Variants in PELI1 observed in about 807,000 individuals in gnomAD.
PELI1 encodes the protein pellino E3 ubiquitin protein ligase 1.
A neutral mutation model predicts 41.3 loss-of-function variants in PELI1; 15 were observed. The ratio of observed to expected loss-of-function variants is 0.36; its 90% CI spans 0.24 to 0.56. The LOEUF (loss-of-function observed/expected upper bound fraction) is 0.56, where lower values mean the gene tolerates loss of function less well. PELI1 is among the 20% of genes least tolerant of loss of function. PELI1 has a pLI of 0.82. For synonymous variants in PELI1, 178 were observed against 180.1 expected, an observed-to-expected ratio of 0.99 and a Z score of 0.09; for missense variants, 403 against 525.5, an observed-to-expected ratio of 0.77 and a Z score of 2.28.
intron 1 of PELI1, among the ~76,000 whole-genome samples, chr2:64,122,143 G>GT (rs1681240325): frequency 6.6e-6 from 1 of 151,758 alleles, no homozygotes; most frequent in African/African-American, 2.4e-5. Flanking sequence ...AAAACCTGAA[G>GT]TAGTGTTCTT....
chr2:64,111,820 C>T (rs1335253683), intron 1 of PELI1, among the ~76,000 whole-genome samples: 1 of 152,118 alleles, frequency 6.6e-6, no homozygotes, highest in Non-Finnish European at 1.5e-5. Context: ...CATTTCCCCT[C>T]TAAGAAGCAT....
intron 1 of PELI1, among the ~76,000 whole-genome samples, chr2:64,127,851 G>A (rs549952202): frequency 1.3e-5 from 2 of 152,146 alleles, no homozygotes; most frequent in South Asian, 2.1e-4. Flanking sequence ...CCACTAGACA[G>A]GACTATCTTT....
intron 4 of PELI1, among the ~76,000 whole-genome samples, chr2:64,097,429 G>A (rs529130132): frequency 6.6e-6 from 1 of 152,320 alleles, no homozygotes; most frequent in Non-Finnish European, 1.5e-5. Flanking sequence ...ACTCTTCCTG[G>A]TTCTTAGGGA....
intron 1 of PELI1, 136 bp downstream of exon 1, chr2:64,143,945 G>A (rs887633504): frequency 7.5e-6 from 1 of 133,912 alleles, no homozygotes; most frequent in African/African-American, 2.8e-5. Flanking sequence ...CGCCGCAGCG[G>A]GGGCGCGCAG....
At chr2:64,108,594 C>G (rs1191611401) in intron 1 of PELI1, among the ~76,000 whole-genome samples, 1 of 152,138 alleles carries the variant, frequency 6.6e-6, no homozygotes, top group African/African-American at 2.4e-5. Flanking sequence ...CTTACAGAAG[C>G]ATAGAGCAGA....
rs1017072616 is a variant in PELI1 at position 64,095,171 on chromosome 2, G to A, written c.788C>T (p.Pro263Leu). The A allele has an allele frequency of 3.7e-6, 6 of 1,614,022 alleles. No individual in the cohort carries two copies. The highest frequency in any genetic ancestry group is 1.3e-5 in the African/African-American group (1 of 74,914). Residue 263 changes from proline to leucine, a missense_variant, in exon 7 of 7, where the codon CCT becomes CTT. Pro to Leu is a moderately conservative substitution (Grantham distance 98, BLOSUM62 -3). Coordinates refer to ENST00000358912, the MANE Select transcript of PELI1 (RefSeq NM_020651.4). Reference sequence around the variant, plus strand: ...TAAAGCTTCTAAATGCTTCACGGTAGGAGTGTGGGAAAGGCCTTCTGCAGT... The same window carrying A: ...TAAAGCTTCTAAATGCTTCACGGTAAGAGTGTGGGAAAGGCCTTCTGCAGT... ...WRTAEGLSHT[P>L]TVKHLEALRQ...
At chr2:64,099,443 A>T (rs1159265186) in intron 4 of PELI1, among the ~76,000 whole-genome samples, 1 of 152,198 alleles carries the variant, frequency 6.6e-6, no homozygotes, top group Non-Finnish European at 1.5e-5. Flanking sequence ...ATCTTCCTTA[A>T]AGATCTTATT....
Position 64,103,091 on chromosome 2 carries a change from C to A in PELI1, c.201+1610G>T, listed in dbSNP as rs540561762. Among the ~76,000 whole-genome samples the A allele has an allele frequency of 3.3e-5, 5 of 152,238 alleles. No homozygotes were observed. The South Asian group carries it at 1.0e-3, about 32-fold the overall frequency. On this transcript the variant is annotated intron_variant, in intron 3 of 6. Transcript: ENST00000358912. Reference sequence around the variant, plus strand: ...CTCCCGAGCTCAAGTGATCCGCCCACCTTGGCCTCTCAAGTGCTGGGATTA... The same window carrying A: ...CTCCCGAGCTCAAGTGATCCGCCCAACTTGGCCTCTCAAGTGCTGGGATTA...
intron 1 of PELI1, among the ~76,000 whole-genome samples, chr2:64,131,418 G>A (rs943700777): frequency 6.6e-6 from 1 of 151,628 alleles, no homozygotes; most frequent in Non-Finnish European, 1.5e-5. Flanking sequence ...GAAAATAGTT[G>A]TTATACTGTA....
chr2:64,130,972 C>G (rs1235090548), intron 1 of PELI1, among the ~76,000 whole-genome samples: 1 of 151,940 alleles, frequency 6.6e-6, no homozygotes, highest in African/African-American at 2.4e-5. Flanking sequence ...TTGGTAAGAA[C>G]TGGGTTTTCA....
rs1367713903 is a variant in PELI1 at position 64,108,317 on chromosome 2, G to A, written c.-7C>T. The A allele has an allele frequency of 6.3e-7, 1 of 1,590,302 alleles. No individual in the cohort carries two copies. Among genetic ancestry groups the A allele is most frequent in the Non-Finnish European group, 8.6e-7 (1 of 1,158,544 alleles). On this transcript the variant is annotated 5_prime_UTR_variant, in exon 2 of 7. Coordinates refer to ENST00000358912, the MANE Select transcript of PELI1 (RefSeq NM_020651.4). ...CTTGATCAGGAGAAAACATGAGCTT[G>A]GCTGTCTTTCTCAAATCTTTGTTCA...
intron 3 of PELI1, among the ~76,000 whole-genome samples, chr2:64,103,601 C>T (rs986704160): frequency 6.6e-6 from 1 of 152,140 alleles, no homozygotes. Context: ...GAAACTGTCC[C>T]TTTTCTGCAC....
intron 1 of PELI1, among the ~76,000 whole-genome samples, chr2:64,111,377 C>T (rs1276912950): frequency 6.6e-6 from 1 of 152,128 alleles, no homozygotes; most frequent in Non-Finnish European, 1.5e-5. Context: ...AAGTGACATA[C>T]ACATTTAGAC....
chr2:64,107,096 T>A (rs2103687916), intron 2 of PELI1, among the ~76,000 whole-genome samples: 1 of 151,708 alleles, frequency 6.6e-6, no homozygotes, highest in African/African-American at 2.4e-5. Flanking sequence ...GCCCAGCTAA[T>A]TTTTGTATTT....
At chr2:64,114,120 T>G (rs1057303627) in intron 1 of PELI1, among the ~76,000 whole-genome samples, 8 of 152,180 alleles carry the variant, frequency 5.3e-5, no homozygotes, top group African/African-American at 9.6e-5. Flanking sequence ...TTTTAAAACA[T>G]GAAAATGTTA....
intron 3 of PELI1, among the ~76,000 whole-genome samples, chr2:64,102,967 C>G (rs1680495783): frequency 6.6e-6 from 1 of 151,828 alleles, no homozygotes; most frequent in South Asian, 2.1e-4. Context: ...TTCAGCCTGC[C>G]AAGTAGCTGG....
chr2:64,109,455 C>A (rs12472736), intron 1 of PELI1, among the ~76,000 whole-genome samples: 32 of 151,772 alleles, frequency 2.1e-4, no homozygotes, highest in Non-Finnish European at 4.0e-4. Flanking sequence ...TCGAGGCAGG[C>A]GGATCACTTG....
intron 1 of PELI1, among the ~76,000 whole-genome samples, chr2:64,110,109 G>A (rs1402723616): frequency 3.9e-5 from 6 of 152,036 alleles, no homozygotes; most frequent in Non-Finnish European, 8.8e-5. Flanking sequence ...GCCAGGCATG[G>A]TGGTGTGCCT....
rs370662121 is a variant in PELI1, at chr2:64,134,342, A to G, written c.-70+9739T>C. 1.5e-4 allele frequency among the ~76,000 whole-genome samples: 23 copies of G among 152,296 alleles called. 1 individual carries two copies. The South Asian group carries it at 3.9e-3, about 26-fold the overall frequency. On this transcript the variant is annotated intron_variant, in intron 1 of 6. Transcript: ENST00000358912. ...GAATTTTTAAAAATGTCTGCTCTCA[A>G]TGAAGTTACAGATCTGCTCAAAGTT...
Sources: allele counts gnomAD v4.1 joint callset (sites outside exome capture counted in the v4.1 genomes callset), GRCh38; gene constraint gnomAD v4.1.1; transcripts MANE v1.5; gene names NCBI Gene and HGNC (gene_info 2026-07-23, HGNC 2026-07-21).